UNC13B: variants seen among roughly 807,000 people sequenced by gnomAD.
UNC13B encodes unc-13 homolog B, also known as protein unc-13 homolog B.
In UNC13B, 144 loss-of-function variants were observed where a neutral mutation model predicts 211.0. The ratio of observed to expected loss-of-function variants is 0.68; its 90% CI spans 0.60 to 0.78. The LOEUF (loss-of-function observed/expected upper bound fraction) is 0.78, where lower values mean the gene tolerates loss of function less well. UNC13B is among the 30% of genes least tolerant of loss of function. The probability of loss-of-function intolerance (pLI) is 0.00; values close to 1 mark genes in which losing one functional copy is unlikely to be tolerated. For missense variants in UNC13B, 1,777 were observed against 2,002.0 expected (o/e 0.89, Z 2.14); for synonymous variants, 709 against 725.8 (o/e 0.98, Z 0.37).
At chr9:35,379,799 TA>T (rs1369261968) in intron 17 of UNC13B, among the ~76,000 whole-genome samples, 1 of 152,080 alleles carries the variant, frequency 6.6e-6, no homozygotes, top group Non-Finnish European at 1.5e-5. Flanking sequence ...AAAGATAACA[TA>T]AGAACATAGG....
chr9:35,398,347 A>G, intron 31 of UNC13B, 59 bp downstream of exon 31: 1 of 1,557,938 alleles, frequency 6.4e-7, no homozygotes, highest in South Asian at 1.1e-5. Context: ...CTCCTTGGCC[A>G]TAGAACTCCA....
chr9:35,216,264 G>A (rs1824238935), intron 1 of UNC13B, among the ~76,000 whole-genome samples: 1 of 152,184 alleles, frequency 6.6e-6, no homozygotes, highest in Admixed American at 6.5e-5. Flanking sequence ...TTCTGGACCA[G>A]GATGGATTGT....
intron 1 of UNC13B, among the ~76,000 whole-genome samples, chr9:35,177,297 A>C (rs1223158169): frequency 1.3e-5 from 2 of 152,176 alleles, no homozygotes; most frequent in African/African-American, 4.8e-5. Context: ...TCAGAGAAAC[A>C]AAAAACAAAA....
intron 6 of UNC13B, among the ~76,000 whole-genome samples, chr9:35,248,496 G>A (rs1444004907): frequency 1.3e-5 from 2 of 151,996 alleles, no homozygotes; most frequent in Non-Finnish European, 2.9e-5. Context: ...GCCATTTAGT[G>A]CTATAAATTT....
At chr9:35,342,503 C>T (rs1427673073) in intron 11 of UNC13B, among the ~76,000 whole-genome samples, 1 of 152,014 alleles carries the variant, frequency 6.6e-6, no homozygotes, top group Non-Finnish European at 1.5e-5. Flanking sequence ...TAGCATATGC[C>T]GCACTGGGGT....
intron 1 of UNC13B, among the ~76,000 whole-genome samples, chr9:35,204,224 T>C (rs1823507643): frequency 6.6e-6 from 1 of 152,230 alleles, no homozygotes; most frequent in South Asian, 2.1e-4. Flanking sequence ...AGCCTCCATC[T>C]AGATTTCAGA....
intron 11 of UNC13B, chr9:35,360,591 C>G (rs1259548610): frequency 6.6e-6 from 1 of 152,242 alleles, no homozygotes; most frequent in Non-Finnish European, 1.5e-5. Context: ...ACTGCCACAT[C>G]ACCAGCACTG....
intron 25 of UNC13B, 46 bp downstream of exon 25, chr9:35,390,019 C>T (rs1397686946): frequency 7.5e-6 from 12 of 1,606,846 alleles, no homozygotes; most frequent in Non-Finnish European, 1.0e-5. Flanking sequence ...GTTGGTCTGT[C>T]CATCTGTCTA....
In UNC13B at chr9:35,378,335, A is replaced by G; in HGVS notation, c.10104A>G (p.Gly3368=). ...GCCTACAAGCCAAGGACAAAACAGG[A>G]TCCAGTGACCCTTACGTGACTGTGC... is the stretch of plus-strand genomic sequence containing the variant. ...AQGLQAKDKT[G]SSDPYVTVQV... Residue 3368 remains glycine (G), a synonymous_variant, in exon 17 of 40, where the codon GGA becomes GGG. Coordinates refer to ENST00000635942, the MANE Select transcript of UNC13B (RefSeq NM_001371189.2). The G allele has an allele frequency of 1.2e-6, 2 of 1,614,176 alleles. No individual in the cohort carries two copies. The highest frequency in any genetic ancestry group is 2.2e-5 in the South Asian group (2 of 91,078).
intron 11 of UNC13B, chr9:35,351,673 C>T: frequency 8.1e-7 from 1 of 1,232,298 alleles, no homozygotes; most frequent in African/African-American, 1.5e-5. Flanking sequence ...TACCAGAGGA[C>T]AACTCCCTGC....
chr9:35,187,096 T>A (rs1040266020), intron 1 of UNC13B, among the ~76,000 whole-genome samples: 3 of 152,196 alleles, frequency 2.0e-5, no homozygotes, highest in African/African-American at 7.2e-5. Flanking sequence ...GGTGCTACCA[T>A]CTATAGGTCT....
chr9:35,360,124 A>G (rs968365438), intron 11 of UNC13B, among the ~76,000 whole-genome samples: 7 of 152,168 alleles, frequency 4.6e-5, no homozygotes, highest in Admixed American at 3.3e-4. Context: ...CATTTCTTTC[A>G]AGTCTGCTTT....
At chr9:35,384,336 G>A (rs758429263) in intron 22 of UNC13B, 22 bp downstream of exon 22, 38 of 1,612,494 alleles carry the variant, frequency 2.4e-5, no homozygotes, top group African/African-American at 5.3e-5. Flanking sequence ...CACGGCTGTG[G>A]GCAGGATAAT....
At chr9:35,318,596 G>C (rs1405428970) in intron 11 of UNC13B, among the ~76,000 whole-genome samples, 1 of 152,096 alleles carries the variant, frequency 6.6e-6, no homozygotes, top group African/African-American at 2.4e-5. Flanking sequence ...TTCCATATCA[G>C]CTCTAAGAAA....
intron 11 of UNC13B, among the ~76,000 whole-genome samples, chr9:35,355,120 A>G (rs1430182383): frequency 6.6e-6 from 1 of 152,238 alleles, no homozygotes; most frequent in Non-Finnish European, 1.5e-5. Flanking sequence ...TCTAAGATAT[A>G]TTGACATACA....
intron 1 of UNC13B, among the ~76,000 whole-genome samples, chr9:35,163,356 C>T (rs1486731626): frequency 1.3e-5 from 2 of 152,112 alleles, no homozygotes; most frequent in Admixed American, 6.5e-5. Context: ...ACGATGTTTC[C>T]CCCAGCTACT....
At chr9:35,293,620 T>G (rs895659518) in intron 7 of UNC13B, among the ~76,000 whole-genome samples, 1 of 152,152 alleles carries the variant, frequency 6.6e-6, no homozygotes, top group African/African-American at 2.4e-5. Flanking sequence ...CTGAGTGGCA[T>G]ATGGTTTTGT....
At chr9:35,316,393 T>C (rs776204665) in intron 11 of UNC13B, among the ~76,000 whole-genome samples, 18 of 152,208 alleles carry the variant, frequency 1.2e-4, no homozygotes, top group African/African-American at 3.9e-4. Context: ...ATGAGCACTC[T>C]TAATTTGACC....
chr9:35,231,635 G>C (rs924819654), intron 3 of UNC13B, among the ~76,000 whole-genome samples: 3 of 152,152 alleles, frequency 2.0e-5, no homozygotes, highest in African/African-American at 7.2e-5. Context: ...GTGAGAGACT[G>C]TATCTTCATG....
Sources: gnomAD v4.1 joint callset for allele counts (sites outside exome capture counted in the v4.1 genomes callset) on GRCh38, gnomAD v4.1.1 for gene constraint, MANE v1.5 for transcripts, NCBI Gene and HGNC (gene_info 2026-07-23, HGNC 2026-07-21) for gene names.